SIL1: variants seen among roughly 807,000 people sequenced by gnomAD.
SIL1 encodes nucleotide exchange factor SIL1.
SIL1 carries 40 observed loss-of-function variants against 49.1 expected under a neutral mutation model. The ratio of observed to expected loss-of-function variants is 0.81; its 90% CI spans 0.63 to 1.06. SIL1 has a LOEUF of 1.06. SIL1 is among the 50% of genes least tolerant of loss of function. The pLI, the probability that SIL1 is intolerant of heterozygous loss-of-function variation, is 0.00. For synonymous variants in SIL1, 253 were observed against 250.8 expected (o/e 1.01, Z -0.08); for missense variants, 500 against 572.6 (o/e 0.87, Z 1.29).
intron 5 of SIL1, 145 bp downstream of exon 5, chr5:139,042,472 CTTA>C (rs1273262916): frequency 2.6e-6 from 2 of 770,568 alleles, no homozygotes; most frequent in African/African-American, 3.5e-5. Context: ...AAAAGGGTTT[CTTA>C]TTTGTCATTA....
At chr5:138,994,590 C>CA (rs1295383062) in intron 7 of SIL1, among the ~76,000 whole-genome samples, 2 of 152,166 alleles carry the variant, frequency 1.3e-5, no homozygotes, top group African/African-American at 4.8e-5. Flanking sequence ...TTGAGCCTCA[C>CA]AGAGTATGCC....
In SIL1 at chr5:138,950,860, C is replaced by T. The variant is rs182642634; in HGVS notation, c.1029+311G>A. Among the ~76,000 whole-genome samples the T allele has an allele frequency of 4.7e-4, 72 of 152,298 alleles. 1 individual carries two copies. The highest frequency in any genetic ancestry group is 1.5e-3 in the African/African-American group (63 of 41,554). The stretch of plus-strand genomic sequence containing the variant: ...CTACCCCCTCAGCCTTTTGTCCCCT[C>T]GGGGCCTGGTCTCGGCTGCTCCAAG... On this transcript the variant is annotated intron_variant, in intron 9 of 9. Coordinates refer to ENST00000394817, the MANE Select transcript of SIL1 (RefSeq NM_022464.5).
intron 3 of SIL1, among the ~76,000 whole-genome samples, chr5:139,113,310 AAT>A (rs1343540024): frequency 2.3e-5 from 3 of 131,902 alleles, no homozygotes; most frequent in Non-Finnish European, 3.3e-5. Flanking sequence ...TAAAATAAAA[AAT>A]AAATAAATAA....
chr5:139,108,658 T>C (rs1331696181), intron 3 of SIL1, among the ~76,000 whole-genome samples: 2 of 152,234 alleles, frequency 1.3e-5, no homozygotes, highest in East Asian at 3.8e-4. Flanking sequence ...GCAACGCTAA[T>C]GTGTTTTTCC....
chr5:139,069,346 A>G (rs1307552353), intron 3 of SIL1, among the ~76,000 whole-genome samples: 1 of 152,150 alleles, frequency 6.6e-6, no homozygotes, highest in Non-Finnish European at 1.5e-5. Flanking sequence ...AATCAGAAAT[A>G]AAAGAACAAA....
chr5:139,069,225 T>C lies in SIL1; in HGVS notation c.245-18179A>G, dbSNP rs146006645. On this transcript the variant is annotated intron_variant, in intron 3 of 9. Transcript: ENST00000394817. ...ATCACTTGAGCCCAGGAGCTCAAGA[T>C]TGCAGTGAGCTATGATAGCACCACT... 3.7e-3 allele frequency among the ~76,000 whole-genome samples: 566 copies of C among 152,150 alleles called. 1 individual carries two copies. The highest frequency in any genetic ancestry group is 0.013 in the African/African-American group (539 of 41,502).
intron 3 of SIL1, chr5:139,107,984 G>C (rs569547181): frequency 6.6e-6 from 1 of 152,314 alleles, no homozygotes; most frequent in Admixed American, 6.5e-5. Flanking sequence ...CAGGTAGACT[G>C]ACTCTAAAAC....
At chr5:139,143,342 C>CATATATATATATAT (rs1254298733) in intron 1 of SIL1, among the ~76,000 whole-genome samples, 153 of 90,528 alleles carry the variant, frequency 1.7e-3, no homozygotes, top group African/African-American at 8.4e-3. Context: ...CACACACACA[C>CATATATATATATAT]ACATATATAT....
intron 3 of SIL1, among the ~76,000 whole-genome samples, chr5:139,097,181 T>C (rs2151779986): frequency 6.6e-6 from 1 of 152,102 alleles, no homozygotes; most frequent in Non-Finnish European, 1.5e-5. Context: ...ACCAGGTAGA[T>C]GTCTAAGGTT....
In SIL1 at chr5:138,946,736, C is replaced by T; in HGVS notation, c.*381G>A. On this transcript the variant is annotated 3_prime_UTR_variant, in exon 10 of 10. Coordinates refer to ENST00000394817, the MANE Select transcript of SIL1 (RefSeq NM_022464.5). Reference sequence around the variant, plus strand: ...GTGTGAAGCTTTCTACGTGATTTTTCTCCTTTAATGGCACTCCTGACAGAT... The same window carrying T: ...GTGTGAAGCTTTCTACGTGATTTTTTTCCTTTAATGGCACTCCTGACAGAT... 3.7e-6 allele frequency: 1 copy of T among 266,706 alleles called. No individual in the cohort carries two copies. Among genetic ancestry groups the T allele is most frequent in the South Asian group, 5.0e-5 (1 of 19,986 alleles). The allele number at this position is 266,706 out of a possible 1,614,324, so 16.5% of individuals were successfully genotyped here.
At chr5:138,983,177 T>G (rs1361938244) in intron 7 of SIL1, among the ~76,000 whole-genome samples, 1 of 97,024 alleles carries the variant, frequency 1.0e-5, no homozygotes, top group African/African-American at 4.2e-5. Flanking sequence ...CCATTCTGGG[T>G]GACAGAGTGA....
chr5:139,043,721 C>T (rs1428729293), intron 4 of SIL1, among the ~76,000 whole-genome samples: 1 of 152,238 alleles, frequency 6.6e-6, no homozygotes, highest in Non-Finnish European at 1.5e-5. Flanking sequence ...CACAGCTACA[C>T]ATCTTGACCA....
chr5:139,032,681 T>C (rs1768818317), intron 5 of SIL1, among the ~76,000 whole-genome samples: 1 of 152,240 alleles, frequency 6.6e-6, no homozygotes, highest in Admixed American at 6.5e-5. Context: ...AGTGAAACTA[T>C]CTGAACCTGG....
At chr5:139,023,305 C>T (rs1449437314) in intron 6 of SIL1, among the ~76,000 whole-genome samples, 1 of 152,148 alleles carries the variant, frequency 6.6e-6, no homozygotes, top group Non-Finnish European at 1.5e-5. Flanking sequence ...GGGGCCAAAA[C>T]TGTTCTCAGG....
intron 7 of SIL1, among the ~76,000 whole-genome samples, chr5:139,016,117 C>A (rs561005349): frequency 7.9e-5 from 12 of 152,050 alleles, no homozygotes; most frequent in Non-Finnish European, 1.3e-4. Context: ...ACCTTAAAAA[C>A]CAGAAAAATG....
chr5:139,170,403 A>G (rs1332579635), intron 1 of SIL1, among the ~76,000 whole-genome samples: 3 of 142,374 alleles, frequency 2.1e-5, no homozygotes, highest in South Asian at 4.6e-4. Flanking sequence ...CCCGGCCGCC[A>G]TCCCATCTAG....
intron 7 of SIL1, among the ~76,000 whole-genome samples, chr5:138,987,562 G>A (rs950948792): frequency 6.6e-6 from 1 of 152,186 alleles, no homozygotes; most frequent in Non-Finnish European, 1.5e-5. Context: ...AGCTGGCCCT[G>A]AGGAGTCTAA....
intron 7 of SIL1, among the ~76,000 whole-genome samples, chr5:138,983,005 T>C (rs562197692): frequency 6.6e-6 from 1 of 151,584 alleles, no homozygotes; most frequent in Admixed American, 6.6e-5. Context: ...GAGGCCAGCC[T>C]GGGCAACATG....
chr5:138,968,498 A>C (rs1482371826), intron 7 of SIL1, among the ~76,000 whole-genome samples: 1 of 151,852 alleles, frequency 6.6e-6, no homozygotes, highest in Non-Finnish European at 1.5e-5. Context: ...CCCCATCTTC[A>C]TCTGGCCAGT....
Sources: allele counts gnomAD v4.1 joint callset (sites outside exome capture counted in the v4.1 genomes callset), GRCh38; gene constraint gnomAD v4.1.1; transcripts MANE v1.5; gene names NCBI Gene and HGNC (gene_info 2026-07-23, HGNC 2026-07-21).